Variants in IRAK3 observed in about 807,000 individuals in gnomAD.
The protein encoded by IRAK3 is interleukin-1 receptor-associated kinase 3.
IRAK3 carries 57 observed loss-of-function variants against 56.6 expected under a neutral mutation model. The observed-to-expected ratio is 1.01, with a 90% CI of 0.81 to 1.26. IRAK3 has a LOEUF of 1.26. Among genes scored for constraint, IRAK3 ranks in the 50% most tolerant of loss-of-function variants. The pLI is 0.00. For missense variants in IRAK3, 703 were observed against 719.0 expected, an observed-to-expected ratio of 0.98 and a Z score of 0.25; for synonymous variants, 258 against 255.7, an observed-to-expected ratio of 1.01 and a Z score of -0.09.
intron 6 of IRAK3, among the ~76,000 whole-genome samples, chr12:66,223,438 T>C (rs2052755372): frequency 6.6e-6 from 1 of 151,842 alleles, no homozygotes; most frequent in African/African-American, 2.4e-5. Flanking sequence ...GGCAGGCGGA[T>C]TATGAGGTCA....
rs903943313 is a variant in IRAK3, at chr12:66,251,065, T to C, written c.*2894T>C. The C allele has an allele frequency of 1.1e-4, 16 of 152,210 alleles. No individual in the cohort carries two copies. Among genetic ancestry groups the C allele is most frequent in the African/African-American group, 3.4e-4 (14 of 41,442 alleles). 9.4% of individuals were successfully genotyped at this position (152,210 alleles called of 1,614,324 possible). A position where few individuals can be genotyped will look rare whatever the true frequency, so the allele number is the denominator to read the frequency against. On this transcript the variant is annotated 3_prime_UTR_variant, in exon 12 of 12. Transcript: ENST00000261233. ...ATTCTGTTATATTCATCCTATTACA[T>C]AGGATGTTGGTTAGCACAGAGTGGG...
chr12:66,233,170 A>G (rs1002133590), intron 8 of IRAK3, among the ~76,000 whole-genome samples: 2 of 152,180 alleles, frequency 1.3e-5, no homozygotes, highest in Admixed American at 6.5e-5. Context: ...CAGCATCAAA[A>G]GAGTTAAGGC....
intron 6 of IRAK3, among the ~76,000 whole-genome samples, chr12:66,222,788 A>G (rs547322087): frequency 2.6e-5 from 4 of 152,042 alleles, no homozygotes; most frequent in Non-Finnish European, 2.9e-5. Context: ...CTGTCATTTC[A>G]TCTTTGCTTA....
intron 8 of IRAK3, among the ~76,000 whole-genome samples, chr12:66,243,670 A>G (rs2052996116): frequency 6.6e-6 from 1 of 152,104 alleles, no homozygotes; most frequent in South Asian, 2.1e-4. Flanking sequence ...TGTTCTCCTC[A>G]TTTCACATGA....
In IRAK3 at chr12:66,189,324, G is replaced by A. The variant is rs1448544895; in HGVS notation, c.25G>A (p.Gly9Ser). The change falls in exon 1 of 12, where the codon GGC becomes AGC. Residue 9 changes from glycine (G) to serine (S), a missense_variant. Transcript: ENST00000261233. MAGNCGAR[G>S]ALSAHTLLFD... ...CATGGCGGGGAACTGTGGGGCCCGC[G>A]GCGCGCTGTCGGCGCACACGCTGCT... is the stretch of plus-strand genomic sequence containing the variant. 3.9e-6 allele frequency: 6 copies of A among 1,533,444 alleles called. No individual in the cohort carries two copies. The highest frequency in any genetic ancestry group is 3.5e-6 in the Non-Finnish European group (4 of 1,146,206). The allele number at this position is 1,533,444 out of a possible 1,614,324, so 95.0% of individuals were successfully genotyped here. A position where few individuals can be genotyped will look rare whatever the true frequency, so the allele number is the denominator to read the frequency against.
intron 5 of IRAK3, among the ~76,000 whole-genome samples, chr12:66,213,075 A>G (rs114509082): frequency 0.011 from 1,671 of 152,270 alleles, 38 homozygotes; most frequent in African/African-American, 0.038. Context: ...AGAAAAAAAA[A>G]GAAAAAGAGG....
intron 8 of IRAK3, among the ~76,000 whole-genome samples, chr12:66,237,790 T>A (rs1325663845): frequency 6.6e-6 from 1 of 152,238 alleles, no homozygotes; most frequent in Non-Finnish European, 1.5e-5. Flanking sequence ...AAATTTTTGA[T>A]GTTTGCCAAG....
intron 1 of IRAK3, among the ~76,000 whole-genome samples, chr12:66,201,045 G>A (rs1459710285): frequency 6.6e-6 from 1 of 152,168 alleles, no homozygotes; most frequent in East Asian, 1.9e-4. Context: ...TCAAACTCCT[G>A]ACCTCAAGTG....
At chr12:66,247,340 G>A (rs1446637349) in intron 11 of IRAK3, among the ~76,000 whole-genome samples, 2 of 152,120 alleles carry the variant, frequency 1.3e-5, no homozygotes, top group East Asian at 1.9e-4. Flanking sequence ...AGAATTACAG[G>A]TTGGGCCCAC....
intron 6 of IRAK3, among the ~76,000 whole-genome samples, chr12:66,225,576 C>T (rs1184597322): frequency 6.6e-6 from 1 of 151,978 alleles, no homozygotes; most frequent in South Asian, 2.1e-4. Context: ...TATCCCCAAG[C>T]CTGCCCAGAA....
chr12:66,244,322 A>G (rs2053004250), intron 8 of IRAK3, among the ~76,000 whole-genome samples, 164 bp from the exon 9 acceptor site: 1 of 152,284 alleles, frequency 6.6e-6, no homozygotes, highest in Non-Finnish European at 1.5e-5. Context: ...TTGTACATTA[A>G]GAAAAATGAA....
intron 2 of IRAK3, among the ~76,000 whole-genome samples, chr12:66,206,546 CA>C (rs2052559885): frequency 6.6e-6 from 1 of 152,160 alleles, no homozygotes; most frequent in South Asian, 2.1e-4. Context: ...AGATATTAAA[CA>C]AATCTTGGAT....
intron 5 of IRAK3, among the ~76,000 whole-genome samples, chr12:66,212,286 C>T (rs907055921): frequency 4.6e-5 from 7 of 152,082 alleles, no homozygotes; most frequent in African/African-American, 1.7e-4. Flanking sequence ...TGTCTTCTAT[C>T]ACAACTCAGA....
At chr12:66,208,693 G>C (rs1315776133) in intron 2 of IRAK3, among the ~76,000 whole-genome samples, 1 of 151,632 alleles carries the variant, frequency 6.6e-6, no homozygotes, top group Non-Finnish European at 1.5e-5. Context: ...CCCAGGAGGC[G>C]GAGGTTGCAG....
intron 1 of IRAK3, among the ~76,000 whole-genome samples, chr12:66,196,436 G>A (rs919356265): frequency 2.0e-5 from 3 of 152,180 alleles, no homozygotes; most frequent in Non-Finnish European, 2.9e-5. Context: ...GGAAGAATGT[G>A]TGGGGAAATA....
intron 8 of IRAK3, among the ~76,000 whole-genome samples, chr12:66,235,585 TC>T (rs1274477050): frequency 6.6e-6 from 1 of 151,882 alleles, no homozygotes; most frequent in Non-Finnish European, 1.5e-5. Flanking sequence ...TCGCCGACTC[TC>T]CCGGCGGCAG....
intron 6 of IRAK3, among the ~76,000 whole-genome samples, chr12:66,218,612 T>C (rs2052700796): frequency 6.6e-6 from 1 of 152,236 alleles, no homozygotes; most frequent in African/African-American, 2.4e-5. Flanking sequence ...GAAAATAGTT[T>C]ATCAGGGTAG....
intron 11 of IRAK3, among the ~76,000 whole-genome samples, chr12:66,246,916 T>C (rs2053038723): frequency 6.6e-6 from 1 of 152,156 alleles, no homozygotes; most frequent in Non-Finnish European, 1.5e-5. Context: ...ACCTTATGTT[T>C]TGAATGACAA....
At chr12:66,214,133 A>G (rs1437762748) in intron 5 of IRAK3, among the ~76,000 whole-genome samples, 1 of 152,142 alleles carries the variant, frequency 6.6e-6, no homozygotes, top group Non-Finnish European at 1.5e-5. Flanking sequence ...TTTAAGTAGG[A>G]GACTGAAAGA....
Sources: allele counts gnomAD v4.1 joint callset (sites outside exome capture counted in the v4.1 genomes callset), GRCh38; gene constraint gnomAD v4.1.1; transcripts MANE v1.5; gene names NCBI Gene and HGNC (gene_info 2026-07-23, HGNC 2026-07-21).